FGF12: variants seen among roughly 807,000 people sequenced by gnomAD.
The protein encoded by FGF12 is fibroblast growth factor 12.
Under a neutral mutation model 23.6 loss-of-function variants are expected in FGF12, and 14 were observed. The ratio of observed to expected loss-of-function variants is 0.59; its 90% CI spans 0.39 to 0.93. The LOEUF is 0.93. FGF12 is among the 40% of genes least tolerant of loss of function. FGF12 has a pLI of 0.00. For missense variants in FGF12, 175 were observed against 217.8 expected (o/e 0.80, Z 1.24); for synonymous variants, 62 against 77.3 (o/e 0.80, Z 1.04).
chr3:192,426,815 G>C (rs1240041542), intron 2 of FGF12, among the ~76,000 whole-genome samples: 2 of 152,152 alleles, frequency 1.3e-5, no homozygotes, highest in Non-Finnish European at 2.9e-5. Flanking sequence ...GAGTAGAAGA[G>C]TATTTGACTT....
intron 4 of FGF12, among the ~76,000 whole-genome samples, chr3:192,306,846 T>C (rs904884885): frequency 2.0e-5 from 3 of 152,238 alleles, no homozygotes; most frequent in Non-Finnish European, 2.9e-5. Flanking sequence ...CCAAATCAAT[T>C]TTCTAATCTC....
At chr3:192,210,160 A>G (rs1034764732) in intron 4 of FGF12, among the ~76,000 whole-genome samples, 1 of 152,216 alleles carries the variant, frequency 6.6e-6, no homozygotes, top group African/African-American at 2.4e-5. Context: ...ATTGCCCCAG[A>G]AGGAAATGTC....
At chr3:192,218,515 C>T (rs1718313149) in intron 4 of FGF12, among the ~76,000 whole-genome samples, 1 of 152,134 alleles carries the variant, frequency 6.6e-6, no homozygotes. Context: ...TGTGGCACCT[C>T]CCCGTCTCTC....
chr3:192,535,721 G>A (rs970791362), intron 2 of FGF12, among the ~76,000 whole-genome samples: 1 of 152,196 alleles, frequency 6.6e-6, no homozygotes. Flanking sequence ...GCTGGTGGTT[G>A]GGGTGGGCAC....
rs575562598 is a variant in FGF12, at chr3:192,172,459, A to G, written c.229-1803T>C. Among the ~76,000 whole-genome samples, 80 of 150,766 alleles carry G rather than the reference A, an allele frequency of 5.3e-4. 1 individual carries two copies. Among genetic ancestry groups the G allele is most frequent in the Non-Finnish European group, 9.8e-4 (66 of 67,572 alleles). On this transcript the variant is annotated intron_variant, in intron 4 of 5. Coordinates refer to ENST00000445105, the MANE Select transcript of FGF12 (RefSeq NM_004113.6). Reference sequence around the variant, plus strand: ...TTGGAGTAGAAAGGTGGTTGTAGATAGTAAGATAATATGAATAGCAATAAA... The same window carrying G: ...TTGGAGTAGAAAGGTGGTTGTAGATGGTAAGATAATATGAATAGCAATAAA...
At chr3:192,460,026 C>G (rs1240597163) in intron 2 of FGF12, among the ~76,000 whole-genome samples, 2 of 151,678 alleles carry the variant, frequency 1.3e-5, no homozygotes, top group African/African-American at 4.9e-5. Flanking sequence ...GCAGGATGAA[C>G]AGACATAAGT....
rs188656226 is a variant in FGF12, at chr3:192,310,988, C to T, written c.228+24373G>A. Among the ~76,000 whole-genome samples, 6 of 152,196 alleles carry T rather than the reference C, an allele frequency of 3.9e-5. No homozygotes were observed. In the East Asian group the frequency reaches 1.2e-3, roughly 29 times the overall value. ...TCTCCAATCGTGAAGAAATTCACAC[C>T]TCTGTATTACTTTAAAAAATGTAAT... On this transcript the variant is annotated intron_variant, in intron 4 of 5. Transcript: ENST00000445105.
rs144448765 is a variant in FGF12 at position 192,719,981 on chromosome 3, T to C, written c.13+7200A>G. Among the ~76,000 whole-genome samples the C allele has an allele frequency of 8.0e-4, 122 of 152,332 alleles. 1 individual carries two copies. The highest frequency in any genetic ancestry group is 2.9e-3 in the African/African-American group (119 of 41,570). ...AAAACCTGTTTCACGTGGGTGATAA[T>C]TGTAGAAGTGAATGAGGTAGGGAGA... On this transcript the variant is annotated intron_variant, in intron 2 of 5. Transcript: ENST00000445105.
At chr3:192,349,971 C>G (rs1202644292) in intron 3 of FGF12, among the ~76,000 whole-genome samples, 1 of 152,076 alleles carries the variant, frequency 6.6e-6, no homozygotes, top group African/African-American at 2.4e-5. Flanking sequence ...GCAGATAAAG[C>G]TCATTGCCCC....
intron 4 of FGF12, among the ~76,000 whole-genome samples, chr3:192,205,882 A>C (rs13433819): frequency 0.049 from 7,425 of 152,218 alleles, 618 homozygotes; most frequent in African/African-American, 0.17. Flanking sequence ...TGGATTCCGC[A>C]TGGCTATGCA....
chr3:192,420,448 G>T (rs902336337), intron 2 of FGF12, among the ~76,000 whole-genome samples: 40 of 152,198 alleles, frequency 2.6e-4, no homozygotes, highest in Non-Finnish European at 1.2e-4. Context: ...GATCACCAAT[G>T]TTGGAGGTGG....
chr3:192,476,108 T>C lies in FGF12; in HGVS notation c.14-115570A>G, dbSNP rs189057794. Among the ~76,000 whole-genome samples the C allele has an allele frequency of 1.3e-3, 201 of 152,210 alleles. 1 individual carries two copies. Among genetic ancestry groups the C allele is most frequent in the African/African-American group, 4.7e-3 (194 of 41,534 alleles). On this transcript the variant is annotated intron_variant, in intron 2 of 5. Coordinates refer to ENST00000445105, the MANE Select transcript of FGF12 (RefSeq NM_004113.6). ...AGATCACCTGCAGCTCCAGGTGAGA[T>C]GACACCCGAAAGACTTTCCATACAT...
intron 2 of FGF12, among the ~76,000 whole-genome samples, chr3:192,474,679 AG>A (rs1480162047): frequency 6.6e-6 from 1 of 152,168 alleles, no homozygotes; most frequent in Non-Finnish European, 1.5e-5. Flanking sequence ...TGAGGTCAGG[AG>A]TTCGAGACCA....
At chr3:192,626,904 G>A (rs1715192848) in intron 2 of FGF12, among the ~76,000 whole-genome samples, 1 of 152,106 alleles carries the variant, frequency 6.6e-6, no homozygotes, top group Admixed American at 6.5e-5. Context: ...ACTATGCCTG[G>A]CCTATACTAA....
At chr3:192,485,616 A>AT (rs372636256) in intron 2 of FGF12, among the ~76,000 whole-genome samples, 1 of 152,056 alleles carries the variant, frequency 6.6e-6, no homozygotes, top group Non-Finnish European at 1.5e-5. Context: ...GTCTTCCAAA[A>AT]TTTTTTTTAG....
intron 2 of FGF12, among the ~76,000 whole-genome samples, chr3:192,655,745 GA>G (rs1303422831): frequency 6.6e-6 from 1 of 152,130 alleles, no homozygotes; most frequent in Non-Finnish European, 1.5e-5. Context: ...TGGCCTAGAA[GA>G]AGAAGATGAT....
At chr3:192,515,186 G>T (rs1019616890) in intron 2 of FGF12, 1 of 152,256 alleles carries the variant, frequency 6.6e-6, no homozygotes, top group Non-Finnish European at 1.5e-5. Context: ...TGTCCCAGCC[G>T]TCCCGGGCTT....
chr3:192,158,670 C>CCCTTCCTTCTTTCCTTCCTTCCTTCCT (rs71177347), intron 5 of FGF12, among the ~76,000 whole-genome samples: 11 of 74,720 alleles, frequency 1.5e-4, no homozygotes, highest in African/African-American at 3.8e-4. Context: ...CCTTCCCTCC[C>CCCTTCCTTCTTTCCTTCCTTCCTTCCT]TCCCTCTCTC....
chr3:192,185,719 G>A (rs1324132262), intron 4 of FGF12, among the ~76,000 whole-genome samples: 4 of 152,088 alleles, frequency 2.6e-5, no homozygotes, highest in Non-Finnish European at 2.9e-5. Flanking sequence ...AATTAGCCAG[G>A]CATGGTGGTG....
Sources: allele counts gnomAD v4.1 joint callset (sites outside exome capture counted in the v4.1 genomes callset), GRCh38; gene constraint gnomAD v4.1.1; transcripts MANE v1.5; gene names NCBI Gene and HGNC (gene_info 2026-07-23, HGNC 2026-07-21).